The following ZC3H15 variants were observed in gnomAD, a reference collection of about 807,000 sequenced individuals.
ZC3H15 encodes the protein zinc finger CCCH-type containing 15.
In ZC3H15, 15 loss-of-function variants were observed where a neutral mutation model predicts 51.2. That is an observed-to-expected ratio of 0.29 (90% CI 0.20 to 0.45). The LOEUF (loss-of-function observed/expected upper bound fraction) is 0.45, where lower values mean the gene tolerates loss of function less well. ZC3H15 is among the 20% of genes least tolerant of loss of function. ZC3H15 has a pLI of 1.00. For missense variants in ZC3H15, 381 were observed against 494.7 expected (o/e 0.77, Z 2.18); for synonymous variants, 144 against 162.8 (o/e 0.88, Z 0.88).
At chr2:186,506,069 T>G in intron 8 of ZC3H15, 1 of 624,804 alleles carries the variant, frequency 1.6e-6, no homozygotes, top group Non-Finnish European at 2.9e-6. Flanking sequence ...AATTAGTAGT[T>G]CTTTATACAG....
Position 186,507,695 on chromosome 2 carries a change from T to G in ZC3H15, c.1091-848T>G, listed in dbSNP as rs1402650737. ...AAGAAATGCCCATTAAGGCAAAAGC[T>G]GAGACAGAAAAGGCTGAACATTATT... is the stretch of plus-strand genomic sequence containing the variant. On this transcript the variant is annotated intron_variant, in intron 9 of 9. Transcript: ENST00000337859. 2.0e-5 allele frequency among the ~76,000 whole-genome samples: 3 copies of G among 152,264 alleles called. No individual in the cohort carries two copies. The East Asian group carries it at 5.8e-4, about 29-fold the overall frequency.
chr2:186,501,270 T>G lies in ZC3H15; in HGVS notation c.290-3T>G, dbSNP rs372713111. On this transcript the variant is annotated splice_polypyrimidine_tract_variant and splice_region_variant and intron_variant, in intron 3 of 9. Coordinates refer to ENST00000337859, the MANE Select transcript of ZC3H15 (RefSeq NM_018471.3). Reference sequence around the variant, plus strand: ...TACAAATACCATATGCCATTTGACATAGGTGCAGATCCCAAGTCTGTAGTA... The same window carrying G: ...TACAAATACCATATGCCATTTGACAGAGGTGCAGATCCCAAGTCTGTAGTA... The G allele has an allele frequency of 1.3e-6, 2 of 1,599,462 alleles. No individual in the cohort carries two copies. The highest frequency in any genetic ancestry group is 2.3e-5 in the South Asian group (2 of 88,284).
intron 2 of ZC3H15, among the ~76,000 whole-genome samples, chr2:186,499,227 C>T (rs1448412333): frequency 6.6e-6 from 1 of 152,114 alleles, no homozygotes; most frequent in Non-Finnish European, 1.5e-5. Flanking sequence ...TCTTGGATTC[C>T]CAATCCATCC....
At chr2:186,500,420 A>C (rs1685361744) in intron 3 of ZC3H15, 127 bp downstream of exon 3, 1 of 813,078 alleles carries the variant, frequency 1.2e-6, no homozygotes, top group Non-Finnish European at 2.0e-6. Context: ...TTACTCCATC[A>C]AAATTACCTA....
rs1481946157 is a variant in ZC3H15, at chr2:186,508,484, C to G, written c.1091-59C>G. On this transcript the variant is annotated intron_variant, in intron 9 of 9. Coordinates refer to ENST00000337859, the MANE Select transcript of ZC3H15 (RefSeq NM_018471.3). ...TAGTATCAGTCTATGTTGTCTATTG[C>G]TAATGTGGAATGGTGTTTTCTGCTT... 3 of 1,473,110 alleles carry G rather than the reference C, an allele frequency of 2.0e-6. No homozygotes were observed. In the South Asian group the frequency reaches 3.5e-5, roughly 17 times the overall value. 91.3% of individuals were successfully genotyped at this position (1,473,110 alleles called of 1,614,324 possible). A position where few individuals can be genotyped will look rare whatever the true frequency, so the allele number is the denominator to read the frequency against.
intron 1 of ZC3H15, among the ~76,000 whole-genome samples, chr2:186,494,479 C>A (rs1336312076): frequency 6.6e-6 from 1 of 152,148 alleles, no homozygotes; most frequent in African/African-American, 2.4e-5. Context: ...GATTCTGCTA[C>A]AAAGGATGAT....
At chr2:186,501,728 T>TG (rs397872631) in intron 4 of ZC3H15, among the ~76,000 whole-genome samples, 7 of 151,882 alleles carry the variant, frequency 4.6e-5, no homozygotes, top group African/African-American at 1.7e-4. Context: ...TTTTTTTTTT[T>TG]GAGACGGAGT....
intron 9 of ZC3H15, 70 bp from the exon 10 acceptor site, chr2:186,508,473 G>A (rs912207092): frequency 5.0e-5 from 68 of 1,371,614 alleles, no homozygotes; most frequent in Non-Finnish European, 6.3e-5. Flanking sequence ...ATCAGTCTAT[G>A]TTGTCTATTG....
rs1310519565 is a variant in ZC3H15, at chr2:186,508,696, TAGA to T, written c.1252_1254del (p.Glu418del). ...TTCACTGGAGAGGATTTGGATGAAC[TAGA>T]AGAAGAATTAAATACACTTGATTTA... On this transcript the variant is annotated inframe_deletion, in exon 10 of 10. Coordinates refer to ENST00000337859, the MANE Select transcript of ZC3H15 (RefSeq NM_018471.3). 1.2e-6 allele frequency: 2 copies of T among 1,614,022 alleles called. No individual in the cohort carries two copies. Among genetic ancestry groups the T allele is most frequent in the East Asian group, 4.5e-5 (2 of 44,868 alleles).
intron 5 of ZC3H15, among the ~76,000 whole-genome samples, chr2:186,503,073 A>G (rs570766500): frequency 1.2e-4 from 18 of 152,268 alleles, no homozygotes; most frequent in Non-Finnish European, 2.4e-4. Flanking sequence ...TTGGTTCTTG[A>G]TGTCTCAAAC....
chr2:186,495,211 T>G, intron 1 of ZC3H15, 22 bp from the exon 2 acceptor site: 3 of 1,454,794 alleles, frequency 2.1e-6, no homozygotes, highest in Non-Finnish European at 2.8e-6. Flanking sequence ...GCTAAGATAT[T>G]TCTGTGCTCT....
In ZC3H15 at chr2:186,506,951, T is replaced by C. The variant is rs1574428229; in HGVS notation, c.1090+115T>C. The C allele has an allele frequency of 2.6e-6, 3 of 1,153,162 alleles. No homozygotes were observed. The East Asian group carries it at 7.2e-5, about 28-fold the overall frequency. 71.4% of individuals were successfully genotyped at this position (1,153,162 alleles called of 1,614,324 possible). A position where few individuals can be genotyped will look rare whatever the true frequency, so the allele number is the denominator to read the frequency against. ...GTACCAGATTGGTAACATAAATGTG[T>C]GGTTTGACCATAAATAAAAGCAGTA... On this transcript the variant is annotated intron_variant, in intron 9 of 9. Transcript: ENST00000337859.
At chr2:186,494,202 T>G (rs1251267627) in intron 1 of ZC3H15, among the ~76,000 whole-genome samples, 1 of 152,168 alleles carries the variant, frequency 6.6e-6, no homozygotes, top group Non-Finnish European at 1.5e-5. Flanking sequence ...ATATTGAATA[T>G]TACCAAGTTA....
intron 1 of ZC3H15, among the ~76,000 whole-genome samples, chr2:186,493,886 T>G (rs995186413): frequency 2.0e-5 from 3 of 148,092 alleles, no homozygotes; most frequent in Non-Finnish European, 4.5e-5. Flanking sequence ...TAGTATGATG[T>G]CATCTTAACT....
Position 186,503,627 on chromosome 2 carries a change from C to T in ZC3H15, c.535-405C>T, listed in dbSNP as rs577108027. 2.3e-4 allele frequency among the ~76,000 whole-genome samples: 35 copies of T among 152,272 alleles called. 1 individual carries two copies. The South Asian group carries it at 5.8e-3, about 25-fold the overall frequency. On this transcript the variant is annotated intron_variant, in intron 5 of 9. Coordinates refer to ENST00000337859, the MANE Select transcript of ZC3H15 (RefSeq NM_018471.3). ...TCCTGACCTCAGCAGGTGATCCGCC[C>T]GCCTCGGCCTCCCAAAGTGCTGGGA... is the stretch of plus-strand genomic sequence containing the variant.
At chr2:186,507,342 A>G (rs899546722) in intron 9 of ZC3H15, 1 of 455,392 alleles carries the variant, frequency 2.2e-6, no homozygotes, top group Non-Finnish European at 4.4e-6. Context: ...TGAGACTGCA[A>G]TGATAACGGT....
chr2:186,500,118 A>T, intron 2 of ZC3H15, 64 bp from the exon 3 acceptor site: 1 of 1,413,444 alleles, frequency 7.1e-7, no homozygotes, highest in East Asian at 2.4e-5. Flanking sequence ...GGTAATGCTA[A>T]CTTTGTAGTA....
intron 5 of ZC3H15, among the ~76,000 whole-genome samples, chr2:186,503,177 T>C (rs112693737): frequency 1.3e-5 from 2 of 152,304 alleles, no homozygotes; most frequent in Admixed American, 6.5e-5. Flanking sequence ...ACATCTGTTA[T>C]GTTTGTTTTT....
chr2:186,495,022 AATG>A (rs1685259745), intron 1 of ZC3H15, among the ~76,000 whole-genome samples: 1 of 152,102 alleles, frequency 6.6e-6, no homozygotes, highest in Admixed American at 6.5e-5. Flanking sequence ...TAACAGGTTT[AATG>A]ATGATAATGT....
Sources: allele counts gnomAD v4.1 joint callset (sites outside exome capture counted in the v4.1 genomes callset), GRCh38; gene constraint gnomAD v4.1.1; transcripts MANE v1.5; gene names NCBI Gene and HGNC (gene_info 2026-07-23, HGNC 2026-07-21).